The following LRRTM4 variants were observed in gnomAD, a reference collection of about 807,000 sequenced individuals.
LRRTM4 encodes the protein leucine-rich repeat transmembrane neuronal protein 4.
In LRRTM4, 25 loss-of-function variants were observed where a neutral mutation model predicts 47.6. That is an observed-to-expected ratio of 0.53 (90% CI 0.38 to 0.73). The LOEUF is 0.73. Ranked by LOEUF, LRRTM4 falls within the 30% of genes least tolerant of loss-of-function variation. LRRTM4 has a pLI of 0.00. For synonymous variants in LRRTM4, 311 were observed against 269.5 expected, an observed-to-expected ratio of 1.15 and a Z score of -1.51; for missense variants, 638 against 713.4, an observed-to-expected ratio of 0.89 and a Z score of 1.20.
At chr2:76,941,318 A>G (rs902109090) in intron 3 of LRRTM4, among the ~76,000 whole-genome samples, 4 of 152,132 alleles carry the variant, frequency 2.6e-5, no homozygotes, top group South Asian at 2.1e-4. Flanking sequence ...TTTATTTTAT[A>G]TATTTTTAAA....
chr2:77,456,552 C>T (rs937937007), intron 3 of LRRTM4, among the ~76,000 whole-genome samples: 5 of 152,030 alleles, frequency 3.3e-5, no homozygotes, highest in East Asian at 3.9e-4. Context: ...CTCCAACATC[C>T]TCATTCTCTC....
chr2:77,212,491 AGAGC>A (rs1403491351), intron 3 of LRRTM4, among the ~76,000 whole-genome samples: 1 of 149,642 alleles, frequency 6.7e-6, no homozygotes, highest in African/African-American at 2.4e-5. Flanking sequence ...AGAGAGAGAG[AGAGC>A]GAGAGAGTTA....
chr2:77,396,657 G>A (rs1673716327), intron 3 of LRRTM4, among the ~76,000 whole-genome samples: 1 of 151,870 alleles, frequency 6.6e-6, no homozygotes, highest in African/African-American at 2.4e-5. Context: ...AGTGTCAGAG[G>A]TATATTTCAA....
At chr2:76,776,185 C>A (rs1434210797) in intron 3 of LRRTM4, among the ~76,000 whole-genome samples, 2 of 152,138 alleles carry the variant, frequency 1.3e-5, no homozygotes, top group African/African-American at 4.8e-5. Context: ...GGTTCCAAGT[C>A]TTTGCTGTTG....
intron 3 of LRRTM4, among the ~76,000 whole-genome samples, chr2:76,851,755 GTTTTTTTTTT>G (rs34184474): frequency 5.9e-5 from 7 of 117,714 alleles, no homozygotes; most frequent in African/African-American, 2.2e-4. Context: ...ACTTTTATTC[GTTTTTTTTTT>G]TTTTTTTTTT....
intron 3 of LRRTM4, among the ~76,000 whole-genome samples, chr2:77,302,269 G>A (rs917964082): frequency 6.6e-6 from 1 of 152,166 alleles, no homozygotes; most frequent in Non-Finnish European, 1.5e-5. Context: ...TCTTGCTTCA[G>A]TGTGGCATCC....
intron 3 of LRRTM4, among the ~76,000 whole-genome samples, chr2:77,471,313 T>C (rs1396843428): frequency 6.6e-6 from 1 of 152,124 alleles, no homozygotes; most frequent in Non-Finnish European, 1.5e-5. Context: ...TCCAAATAAT[T>C]TCCAAGAATG....
chr2:77,145,815 T>TA (rs1156784665), intron 3 of LRRTM4, among the ~76,000 whole-genome samples: 1 of 143,566 alleles, frequency 7.0e-6, no homozygotes, highest in Non-Finnish European at 1.5e-5. Flanking sequence ...AAAATAAAAA[T>TA]AAAAATTGTA....
rs1679342954 is a variant in LRRTM4 at position 77,518,755 on chromosome 2, G to A, written c.1114C>T (p.His372Tyr). The change falls in exon 3 of 4, where the codon CAC becomes TAC. Residue 372 changes from histidine to tyrosine, a missense_variant. Coordinates refer to ENST00000409884, the MANE Select transcript of LRRTM4 (RefSeq NM_001134745.3). ...TTCTGGGGAGTTTGGGGCACCAGGTGTGATCTTTCTGTGTTGACCACCTGG... is the reference window on the plus strand; with the variant it reads ...TTCTGGGGAGTTTGGGGCACCAGGTATGATCTTTCTGTGTTGACCACCTGG... ...EVQVVNTERS[H>Y]LVPQTPQKPL... is the part of the protein sequence containing the mutation. The A allele has an allele frequency of 6.2e-7, 1 of 1,613,360 alleles. No individual in the cohort carries two copies. Among genetic ancestry groups the A allele is most frequent in the South Asian group, 1.1e-5 (1 of 91,070 alleles).
At chr2:77,097,338 T>G (rs1670837463) in intron 3 of LRRTM4, among the ~76,000 whole-genome samples, 1 of 151,996 alleles carries the variant, frequency 6.6e-6, no homozygotes, top group African/African-American at 2.4e-5. Context: ...ATTGTAAGAT[T>G]GATAACATTT....
chr2:77,059,798 G>A (rs529808062), intron 3 of LRRTM4, among the ~76,000 whole-genome samples: 1 of 152,266 alleles, frequency 6.6e-6, no homozygotes, highest in Admixed American at 6.5e-5. Context: ...ACATCTTAAA[G>A]TCGCTTTTTA....
chr2:77,288,635 C>A (rs1291486013), intron 3 of LRRTM4, among the ~76,000 whole-genome samples: 2 of 151,918 alleles, frequency 1.3e-5, no homozygotes, highest in African/African-American at 4.8e-5. Flanking sequence ...CGCATCCAGG[C>A]AAAAAATACA....
chr2:76,749,039 A>G (rs572563059), intron 3 of LRRTM4, 123 bp from the exon 4 acceptor site: 15 of 698,974 alleles, frequency 2.1e-5, no homozygotes, highest in Non-Finnish European at 2.5e-6. Context: ...TACAAATTCA[A>G]CTACAAATAA....
At chr2:77,055,524 A>T (rs976765296) in intron 3 of LRRTM4, among the ~76,000 whole-genome samples, 1 of 152,244 alleles carries the variant, frequency 6.6e-6, no homozygotes, top group African/African-American at 2.4e-5. Context: ...GGCAATCATT[A>T]AAAAGTCAGT....
chr2:77,044,274 T>A (rs866145477), intron 3 of LRRTM4, among the ~76,000 whole-genome samples: 1 of 151,798 alleles, frequency 6.6e-6, no homozygotes, highest in Middle Eastern at 3.4e-3. Flanking sequence ...ATTATTTTAA[T>A]AAAATTAAAC....
intron 3 of LRRTM4, among the ~76,000 whole-genome samples, chr2:77,343,967 G>T (rs1362595969): frequency 2.6e-5 from 4 of 151,862 alleles, no homozygotes; most frequent in Non-Finnish European, 5.9e-5. Context: ...GATTATTGCA[G>T]TGGAGAAATA....
chr2:77,511,436 T>C (rs1215976490), intron 3 of LRRTM4, among the ~76,000 whole-genome samples: 1 of 151,992 alleles, frequency 6.6e-6, no homozygotes, highest in African/African-American at 2.4e-5. Flanking sequence ...GTATCATTTA[T>C]ATAACATTAA....
intron 3 of LRRTM4, among the ~76,000 whole-genome samples, chr2:77,198,669 A>G (rs1464890108): frequency 6.6e-6 from 1 of 152,190 alleles, no homozygotes; most frequent in Non-Finnish European, 1.5e-5. Context: ...ATATAGCTAT[A>G]AAAATCAGTG....
intron 3 of LRRTM4, among the ~76,000 whole-genome samples, chr2:77,294,712 G>T (rs1461997176): frequency 6.6e-6 from 1 of 151,972 alleles, no homozygotes; most frequent in Non-Finnish European, 1.5e-5. Context: ...ATTGGATATT[G>T]TATTTCACTA....
Sources: allele counts gnomAD v4.1 joint callset (sites outside exome capture counted in the v4.1 genomes callset), GRCh38; gene constraint gnomAD v4.1.1; transcripts MANE v1.5; gene names NCBI Gene and HGNC (gene_info 2026-07-23, HGNC 2026-07-21).